PDSS2: variants seen among roughly 807,000 people sequenced by gnomAD.
The protein encoded by PDSS2 is decaprenyl diphosphate synthase subunit 2.
A neutral mutation model predicts 44.5 loss-of-function variants in PDSS2; 31 were observed. The observed-to-expected ratio is 0.70, with a 90% CI of 0.52 to 0.94. The LOEUF is 0.94. PDSS2 is among the 40% of genes least tolerant of loss of function. The pLI is 0.00. For missense variants in PDSS2, 452 were observed against 482.2 expected (o/e 0.94, Z 0.59); for synonymous variants, 157 against 180.3 (o/e 0.87, Z 1.03).
At chr6:107,212,836 CAAAAA>C (rs68101776) in intron 4 of PDSS2, among the ~76,000 whole-genome samples, 28,801 of 127,794 alleles carry the variant, frequency 0.23, 3,012 homozygotes, top group East Asian at 0.37. Flanking sequence ...CAAGACTCTA[CAAAAA>C]AAAAAAAAAA....
Position 107,285,487 on chromosome 6 carries a change from G to GGAA in PDSS2, c.432-11263_432-11261dup, listed in dbSNP as rs202126360. On this transcript the variant is annotated intron_variant, in intron 2 of 7. Coordinates refer to ENST00000369037, the MANE Select transcript of PDSS2 (RefSeq NM_020381.4). ...TAATAAGACCCCATTTTGAAGAAGA[G>GGAA]GAAGAAGAAGAAGAAGGAAAAAAAA... Among the ~76,000 whole-genome samples the GGAA allele has an allele frequency of 4.1e-4, 61 of 150,578 alleles. No homozygotes were observed. In the East Asian group the frequency reaches 6.3e-3, roughly 16 times the overall value.
intron 2 of PDSS2, among the ~76,000 whole-genome samples, chr6:107,297,503 C>T (rs1346868298): frequency 6.6e-5 from 10 of 151,712 alleles, no homozygotes; most frequent in African/African-American, 2.4e-4. Flanking sequence ...CTGCCTCAGC[C>T]TCCCGAGTAG....
intron 7 of PDSS2, among the ~76,000 whole-genome samples, chr6:107,186,918 C>A (rs917708413): frequency 2.0e-5 from 3 of 152,176 alleles, no homozygotes; most frequent in South Asian, 2.1e-4. Context: ...TCACAATAGT[C>A]TCCTGAAATG....
chr6:107,241,881 A>G (rs893813098), intron 4 of PDSS2, among the ~76,000 whole-genome samples: 3 of 152,140 alleles, frequency 2.0e-5, no homozygotes, highest in African/African-American at 7.2e-5. Flanking sequence ...AATCACAAAA[A>G]AATTCTTTTG....
intron 1 of PDSS2, among the ~76,000 whole-genome samples, chr6:107,398,598 T>A (rs1293086087): frequency 6.6e-6 from 1 of 152,218 alleles, no homozygotes; most frequent in Non-Finnish European, 1.5e-5. Context: ...ACCATGAGAC[T>A]ATAAGAGATT....
chr6:107,239,132 C>G (rs1285515467), intron 4 of PDSS2, among the ~76,000 whole-genome samples: 1 of 151,982 alleles, frequency 6.6e-6, no homozygotes, highest in Non-Finnish European at 1.5e-5. Flanking sequence ...CAAAAATTAG[C>G]CGGGCATGGT....
chr6:107,405,760 T>A, intron 1 of PDSS2, among the ~76,000 whole-genome samples: 1 of 144,528 alleles, frequency 6.9e-6, no homozygotes, highest in East Asian at 2.0e-4. Context: ...GGCAGGAGAA[T>A]GGCATGAACC....
intron 1 of PDSS2, among the ~76,000 whole-genome samples, chr6:107,364,674 G>C (rs971624350): frequency 6.6e-6 from 1 of 152,156 alleles, no homozygotes; most frequent in Non-Finnish European, 1.5e-5. Context: ...GCCTTGGCCA[G>C]CCCAGAAAGG....
intron 1 of PDSS2, among the ~76,000 whole-genome samples, chr6:107,337,707 C>T (rs924400655): frequency 6.6e-6 from 1 of 152,124 alleles, no homozygotes; most frequent in African/African-American, 2.4e-5. Context: ...TTCTTCTACT[C>T]TCTTTCTCCT....
chr6:107,161,572 G>A (rs1771136207), intron 7 of PDSS2, among the ~76,000 whole-genome samples: 1 of 151,960 alleles, frequency 6.6e-6, no homozygotes. Context: ...CTTGAACCAT[G>A]GCCCTAGGCT....
At chr6:107,336,828 GTGT>G (rs1777910419) in intron 1 of PDSS2, among the ~76,000 whole-genome samples, 2 of 724 alleles carry the variant, frequency 2.8e-3, no homozygotes, top group Non-Finnish European at 0.014. Context: ...GGTGTGTGGT[GTGT>G]GTGTGTGTGT....
intron 1 of PDSS2, among the ~76,000 whole-genome samples, chr6:107,419,916 T>C (rs1290237817): frequency 6.6e-6 from 1 of 152,208 alleles, no homozygotes; most frequent in African/African-American, 2.4e-5. Context: ...CTCTGCCACA[T>C]GTAGTGTATA....
rs1774760373 is a variant in PDSS2 at position 107,250,033 on chromosome 6, C to T, written c.631-4414G>A. ...CTTTATCTTTTGGCAAGGGTAACTA[C>T]AATTCAATGATTTTTTACACTGAAA... is the stretch of plus-strand genomic sequence containing the variant. On this transcript the variant is annotated intron_variant, in intron 3 of 7. Transcript: ENST00000369037. 3.3e-5 allele frequency among the ~76,000 whole-genome samples: 5 copies of T among 152,068 alleles called. 1 individual carries two copies. The South Asian group carries it at 1.0e-3, about 32-fold the overall frequency.
intron 2 of PDSS2, among the ~76,000 whole-genome samples, chr6:107,327,438 A>T (rs1246104711): frequency 1.3e-5 from 2 of 152,250 alleles, no homozygotes; most frequent in African/African-American, 4.8e-5. Flanking sequence ...TGGTTGAAAT[A>T]TGAAGGAAAA....
chr6:107,276,696 A>T (rs1486336301), intron 2 of PDSS2, among the ~76,000 whole-genome samples: 1 of 152,224 alleles, frequency 6.6e-6, no homozygotes, highest in Non-Finnish European at 1.5e-5. Context: ...GCCATGTATG[A>T]TCTCCTTGAT....
At chr6:107,224,405 G>A (rs952164762) in intron 4 of PDSS2, among the ~76,000 whole-genome samples, 6 of 151,384 alleles carry the variant, frequency 4.0e-5, no homozygotes, top group Non-Finnish European at 5.9e-5. Flanking sequence ...GTAGAAGTGG[G>A]AGTTGTTTCC....
At chr6:107,292,153 A>T (rs948619095) in intron 2 of PDSS2, among the ~76,000 whole-genome samples, 1 of 152,072 alleles carries the variant, frequency 6.6e-6, no homozygotes, top group Non-Finnish European at 1.5e-5. Context: ...CTTGCATGCC[A>T]TGAAAACACA....
chr6:107,168,307 T>A (rs564281295), intron 7 of PDSS2, among the ~76,000 whole-genome samples: 162 of 152,286 alleles, frequency 1.1e-3, no homozygotes, highest in African/African-American at 3.6e-3. Flanking sequence ...AACCCCTGCC[T>A]TTTTTGTTTT....
intron 7 of PDSS2, among the ~76,000 whole-genome samples, chr6:107,161,458 T>A (rs563463744): frequency 7.0e-6 from 1 of 142,248 alleles, no homozygotes; most frequent in Non-Finnish European, 1.5e-5. Flanking sequence ...CCAACCTGGG[T>A]GACAGAGCGA....
Sources: gnomAD v4.1 joint callset for allele counts (sites outside exome capture counted in the v4.1 genomes callset) on GRCh38, gnomAD v4.1.1 for gene constraint, MANE v1.5 for transcripts, NCBI Gene and HGNC (gene_info 2026-07-23, HGNC 2026-07-21) for gene names.